CTNNA2: variants seen among roughly 807,000 people sequenced by gnomAD.
CTNNA2 encodes the protein catenin alpha-2.
A neutral mutation model predicts 101.0 loss-of-function variants in CTNNA2; 42 were observed. The observed-to-expected ratio is 0.42, with a 90% CI of 0.32 to 0.54. The LOEUF is 0.54. CTNNA2 is among the 20% of genes least tolerant of loss of function. The pLI is 0.14. For synonymous variants in CTNNA2, 450 were observed against 456.4 expected, an observed-to-expected ratio of 0.99 and a Z score of 0.18; for missense variants, 871 against 1,223.1, an observed-to-expected ratio of 0.71 and a Z score of 4.29.
chr2:80,390,508 G>A (rs1003826933), intron 7 of CTNNA2, among the ~76,000 whole-genome samples: 4 of 152,150 alleles, frequency 2.6e-5, no homozygotes, highest in Admixed American at 2.0e-4. Flanking sequence ...ACAGAATGGG[G>A]CAACCAAGCC....
intron 4 of CTNNA2, among the ~76,000 whole-genome samples, chr2:79,407,603 G>A (rs1323605268): frequency 1.3e-5 from 2 of 151,912 alleles, no homozygotes; most frequent in South Asian, 2.1e-4. Context: ...GCAATGAAGA[G>A]GAAGAAGGAG....
intron 2 of CTNNA2, among the ~76,000 whole-genome samples, chr2:79,287,510 G>T (rs7572280): frequency 6.6e-4 from 99 of 150,580 alleles, no homozygotes; most frequent in African/African-American, 2.1e-3. Context: ...TGGAGTACCC[G>T]GCCGTGTGAG....
chr2:79,500,649 G>A (rs1671309339), intron 4 of CTNNA2: 1 of 152,172 alleles, frequency 6.6e-6, no homozygotes, highest in African/African-American at 2.4e-5. Context: ...CTTGACAGCA[G>A]ACCTCTACTC....
At chr2:79,585,198 T>C (rs1676403743) in intron 1 of CTNNA2, among the ~76,000 whole-genome samples, 1 of 151,914 alleles carries the variant, frequency 6.6e-6, no homozygotes, top group Admixed American at 6.5e-5. Context: ...CTTTTCTGTA[T>C]GTTAATGTTT....
chr2:79,560,940 T>C (rs779022954), intron 1 of CTNNA2, among the ~76,000 whole-genome samples: 20 of 152,048 alleles, frequency 1.3e-4, no homozygotes, highest in Middle Eastern at 6.8e-3. Context: ...TGAAATATAA[T>C]TAACATACCA....
chr2:79,987,631 G>C (rs558139289), intron 7 of CTNNA2, among the ~76,000 whole-genome samples: 49 of 152,322 alleles, frequency 3.2e-4, no homozygotes, highest in Admixed American at 2.9e-3. Flanking sequence ...GACAATAAAT[G>C]ATAGAAATGA....
intron 9 of CTNNA2, among the ~76,000 whole-genome samples, chr2:80,430,943 C>T (rs1681439592): frequency 6.6e-6 from 1 of 151,948 alleles, no homozygotes; most frequent in African/African-American, 2.4e-5. Flanking sequence ...AAAGTTATAA[C>T]CTTATATTGT....
At chr2:79,356,478 T>C (rs1324899916) in intron 3 of CTNNA2, among the ~76,000 whole-genome samples, 1 of 152,210 alleles carries the variant, frequency 6.6e-6, no homozygotes, top group Non-Finnish European at 1.5e-5. Flanking sequence ...ATTTATTCAT[T>C]CTTAACATGA....
At chr2:79,258,845 C>CA (rs869066159) in intron 2 of CTNNA2, among the ~76,000 whole-genome samples, 2,205 of 91,276 alleles carry the variant, frequency 0.024, 208 homozygotes, top group African/African-American at 0.079. Flanking sequence ...AATCCTCTAC[C>CA]AAAAAAAAAA....
At chr2:80,234,085 C>A (rs1253757589) in intron 7 of CTNNA2, among the ~76,000 whole-genome samples, 1 of 151,774 alleles carries the variant, frequency 6.6e-6, no homozygotes. Context: ...CTCACTCTGT[C>A]GCCCAGGCTG....
At chr2:80,622,166 G>A (rs1276880711) in intron 18 of CTNNA2, among the ~76,000 whole-genome samples, 1 of 151,896 alleles carries the variant, frequency 6.6e-6, no homozygotes, top group Admixed American at 6.6e-5. Context: ...GGAGATACAT[G>A]TCTTTGGAAG....
At chr2:79,321,793 G>GCA (rs59806501) in intron 3 of CTNNA2, among the ~76,000 whole-genome samples, 3,250 of 149,102 alleles carry the variant, frequency 0.022, 43 homozygotes, top group African/African-American at 0.04. Flanking sequence ...CACTGTGTTT[G>GCA]CACACACACA....
chr2:79,742,002 A>G (rs1671319179), intron 2 of CTNNA2, among the ~76,000 whole-genome samples: 1 of 152,070 alleles, frequency 6.6e-6, no homozygotes, highest in Admixed American at 6.5e-5. Flanking sequence ...TCTTCCACCC[A>G]TGAGTACATG....
chr2:79,599,658 T>A (rs541640047), intron 1 of CTNNA2, among the ~76,000 whole-genome samples: 3 of 152,320 alleles, frequency 2.0e-5, no homozygotes, highest in African/African-American at 7.2e-5. Flanking sequence ...GAATGAAAAC[T>A]GTACCTGGAA....
chr2:79,933,777 G>C (rs551152223), intron 7 of CTNNA2, among the ~76,000 whole-genome samples: 1 of 152,078 alleles, frequency 6.6e-6, no homozygotes, highest in African/African-American at 2.4e-5. Flanking sequence ...TTCTTTACAT[G>C]GTCTAACCAC....
At chr2:80,150,065 G>A (rs1703597953) in intron 7 of CTNNA2, among the ~76,000 whole-genome samples, 2 of 152,124 alleles carry the variant, frequency 1.3e-5, no homozygotes, top group South Asian at 4.2e-4. Context: ...TCTTCTCAGG[G>A]TCTGATTAGT....
intron 7 of CTNNA2, among the ~76,000 whole-genome samples, chr2:80,144,161 G>A (rs1288858877): frequency 2.6e-5 from 4 of 152,116 alleles, no homozygotes; most frequent in African/African-American, 7.2e-5. Context: ...CTTGAGGTAC[G>A]TAGACAAAAT....
chr2:79,777,716 G>T (rs1674086525), intron 3 of CTNNA2, among the ~76,000 whole-genome samples: 1 of 152,036 alleles, frequency 6.6e-6, no homozygotes, highest in Non-Finnish European at 1.5e-5. Flanking sequence ...TCAATTCTAG[G>T]ATGGCAGAAT....
At chr2:79,548,687 G>A (rs949457327) in intron 1 of CTNNA2, among the ~76,000 whole-genome samples, 2 of 152,178 alleles carry the variant, frequency 1.3e-5, no homozygotes, top group East Asian at 1.9e-4. Context: ...CCTAGAAGGC[G>A]ATCCATGTCT....
Sources: gnomAD v4.1 joint callset for allele counts (sites outside exome capture counted in the v4.1 genomes callset) on GRCh38, gnomAD v4.1.1 for gene constraint, MANE v1.5 for transcripts, NCBI Gene and HGNC (gene_info 2026-07-23, HGNC 2026-07-21) for gene names.